LHFPL3: variants seen among roughly 807,000 people sequenced by gnomAD.
The protein encoded by LHFPL3 is LHFPL tetraspan subfamily member 3, also known as LHFPL tetraspan subfamily member 3 protein.
LHFPL3 carries 5 observed loss-of-function variants against 19.3 expected under a neutral mutation model. The observed-to-expected ratio is 0.26, with a 90% CI of 0.14 to 0.54. The LOEUF (loss-of-function observed/expected upper bound fraction) is 0.54, where lower values mean the gene tolerates loss of function less well. LHFPL3 is among the 20% of genes least tolerant of loss of function. The probability of loss-of-function intolerance (pLI) is 0.94; values close to 1 mark genes in which losing one functional copy is unlikely to be tolerated. For missense variants in LHFPL3, 249 were observed against 307.4 expected, an observed-to-expected ratio of 0.81 and a Z score of 1.42; for synonymous variants, 133 against 126.2, an observed-to-expected ratio of 1.05 and a Z score of -0.36.
At chr7:104,884,063 C>T (rs1792102174) in intron 2 of LHFPL3, among the ~76,000 whole-genome samples, 1 of 152,044 alleles carries the variant, frequency 6.6e-6, no homozygotes, top group Non-Finnish European at 1.5e-5. Flanking sequence ...CTCTGTAATC[C>T]CCAAACAGAG....
rs1792651222 is a variant in LHFPL3 at position 104,907,903 on chromosome 7, C to G, written c.*1688C>G. 6.6e-6 allele frequency among the ~76,000 whole-genome samples: 1 copy of G among 152,118 alleles called. No individual in the cohort carries two copies. The highest frequency in any genetic ancestry group is 2.4e-5 in the African/African-American group (1 of 41,420). ...TGGGTATGCTCAAAGGAGTAAAACC[C>G]AATTCACAGAGATGTGGCTTTTCTA... On this transcript the variant is annotated 3_prime_UTR_variant, in exon 3 of 3. Coordinates refer to ENST00000424859, the MANE Select transcript of LHFPL3 (RefSeq NM_199000.3).
At chr7:104,421,984 A>G (rs1053136784) in intron 1 of LHFPL3, among the ~76,000 whole-genome samples, 1 of 152,206 alleles carries the variant, frequency 6.6e-6, no homozygotes. Flanking sequence ...GAAGTAGGCC[A>G]TCTGCAACCT....
At chr7:104,494,545 T>G (rs1793419956) in intron 1 of LHFPL3, among the ~76,000 whole-genome samples, 1 of 152,178 alleles carries the variant, frequency 6.6e-6, no homozygotes, top group African/African-American at 2.4e-5. Flanking sequence ...TCACCCATGC[T>G]AAGAAAGAAC....
chr7:104,530,983 T>C (rs945811840), intron 1 of LHFPL3, among the ~76,000 whole-genome samples: 28 of 152,234 alleles, frequency 1.8e-4, no homozygotes, highest in Non-Finnish European at 3.8e-4. Flanking sequence ...TTTACAGTTA[T>C]CTCATTTCTA....
chr7:104,637,546 T>A (rs141690407), intron 1 of LHFPL3, among the ~76,000 whole-genome samples: 109 of 152,320 alleles, frequency 7.2e-4, no homozygotes, highest in African/African-American at 2.5e-3. Context: ...CCATCTTGTG[T>A]TGATTTTTGC....
At chr7:104,614,708 T>TTTCA (rs1791296852) in intron 1 of LHFPL3, among the ~76,000 whole-genome samples, 1 of 132,992 alleles carries the variant, frequency 7.5e-6, no homozygotes, top group African/African-American at 2.9e-5. Context: ...TCTTTCTTTC[T>TTTCA]TTCTTTCTTT....
intron 1 of LHFPL3, among the ~76,000 whole-genome samples, chr7:104,677,263 A>G (rs1314180707): frequency 6.6e-6 from 1 of 152,022 alleles, no homozygotes; most frequent in Non-Finnish European, 1.5e-5. Flanking sequence ...TACAGCCCCA[A>G]CACATTTGGA....
chr7:104,781,491 T>C (rs1372842665), intron 2 of LHFPL3, among the ~76,000 whole-genome samples: 1 of 152,114 alleles, frequency 6.6e-6, no homozygotes, highest in Admixed American at 6.6e-5. Context: ...CTGTATCTAT[T>C]TGCCCAGTGC....
At chr7:104,902,351 TCAAGAAGCCTGAGTCACAGAG>T (rs1338616861) in intron 2 of LHFPL3, among the ~76,000 whole-genome samples, 1 of 150,992 alleles carries the variant, frequency 6.6e-6, no homozygotes, top group East Asian at 2.0e-4. Flanking sequence ...GCCGCTGTAG[TCAAGAAGCCTGAGTCACAGAG>T]CAAGACCCTG....
chr7:104,905,255 C>T (rs1169647977), intron 2 of LHFPL3, among the ~76,000 whole-genome samples: 1 of 151,892 alleles, frequency 6.6e-6, no homozygotes, highest in African/African-American at 2.4e-5. Flanking sequence ...AACACCCAGC[C>T]AAGAAATATT....
intron 1 of LHFPL3, among the ~76,000 whole-genome samples, chr7:104,397,551 A>G (rs548845505): frequency 6.6e-6 from 1 of 151,918 alleles, no homozygotes; most frequent in East Asian, 1.9e-4. Flanking sequence ...CATATACTTT[A>G]CCCCTAGTTT....
At chr7:104,738,709 A>ATAG (rs1163840627) in intron 2 of LHFPL3, 1 of 152,198 alleles carries the variant, frequency 6.6e-6, no homozygotes, top group Admixed American at 6.5e-5. Context: ...GCTTAGAGGT[A>ATAG]TAGAATAATG....
chr7:104,605,081 G>T (rs946868723), intron 1 of LHFPL3, among the ~76,000 whole-genome samples: 1 of 152,116 alleles, frequency 6.6e-6, no homozygotes, highest in Non-Finnish European at 1.5e-5. Flanking sequence ...GCCATCCCAA[G>T]TATCTATAGC....
intron 1 of LHFPL3, among the ~76,000 whole-genome samples, chr7:104,720,406 A>G (rs950111509): frequency 6.6e-6 from 1 of 152,194 alleles, no homozygotes; most frequent in African/African-American, 2.4e-5. Context: ...TGGATTAAAG[A>G]CTTACATGTT....
At chr7:104,823,028 A>G (rs1790706211) in intron 2 of LHFPL3, among the ~76,000 whole-genome samples, 1 of 152,176 alleles carries the variant, frequency 6.6e-6, no homozygotes, top group Non-Finnish European at 1.5e-5. Flanking sequence ...AGAGGTGAGC[A>G]CAGACATCCC....
Position 104,559,835 on chromosome 7 carries a change from A to G in LHFPL3, c.446-176840A>G, listed in dbSNP as rs1020617851. Among the ~76,000 whole-genome samples the G allele has an allele frequency of 9.5e-5, 14 of 146,850 alleles. No homozygotes were observed. The East Asian group carries it at 2.7e-3, about 28-fold the overall frequency. On this transcript the variant is annotated intron_variant, in intron 1 of 2. Coordinates refer to ENST00000424859, the MANE Select transcript of LHFPL3 (RefSeq NM_199000.3). ...TGTGGGTTTGTCATAGATAGCTCTT[A>G]TTATTTTGAAATACGTCCCATCAAT...
rs116974277 is a variant in LHFPL3 at position 104,441,399 on chromosome 7, C to G, written c.445+112175C>G. Reference sequence around the variant, plus strand: ...TCAGGTTCACTCATGTTGTTGCATACGGCAGAATTTTCTTCCTCTTTAAGG... The same window carrying G: ...TCAGGTTCACTCATGTTGTTGCATAGGGCAGAATTTTCTTCCTCTTTAAGG... On this transcript the variant is annotated intron_variant, in intron 1 of 2. Transcript: ENST00000424859. Among the ~76,000 whole-genome samples, 19 of 152,176 alleles carry G rather than the reference C, an allele frequency of 1.2e-4. No homozygotes were observed. The East Asian group carries it at 3.5e-3, about 28-fold the overall frequency.
chr7:104,642,168 T>C (rs1791849492), intron 1 of LHFPL3, among the ~76,000 whole-genome samples: 2 of 150,866 alleles, frequency 1.3e-5, no homozygotes, highest in African/African-American at 2.4e-5. Flanking sequence ...CTCCCAAATA[T>C]CTGGAATTAC....
intron 2 of LHFPL3, among the ~76,000 whole-genome samples, chr7:104,879,928 A>G (rs1194598940): frequency 6.6e-6 from 1 of 152,190 alleles, no homozygotes; most frequent in Non-Finnish European, 1.5e-5. Context: ...GTGTGATGGT[A>G]TGCCAGTAAC....
Sources: allele counts gnomAD v4.1 joint callset (sites outside exome capture counted in the v4.1 genomes callset), GRCh38; gene constraint gnomAD v4.1.1; transcripts MANE v1.5; gene names NCBI Gene and HGNC (gene_info 2026-07-23, HGNC 2026-07-21).